Variants in CASZ1 observed in about 807,000 individuals in gnomAD.
CASZ1 encodes zinc finger protein castor homolog 1.
In CASZ1, 28 loss-of-function variants were observed where a neutral mutation model predicts 135.2. The observed-to-expected ratio is 0.21, with a 90% CI of 0.15 to 0.28. The LOEUF is 0.28. Among genes scored for constraint, CASZ1 ranks in the 10% least tolerant of loss-of-function variants. CASZ1 has a pLI of 1.00. For missense variants in CASZ1, 2,161 were observed against 2,453.3 expected (o/e 0.88, Z 2.52); for synonymous variants, 1,068 against 1,073.4 (o/e 0.99, Z 0.10).
At chr1:10,655,867 C>A in intron 8 of CASZ1, 54 bp from the exon 9 acceptor site, 1 of 1,582,668 alleles carries the variant, frequency 6.3e-7, no homozygotes, top group Non-Finnish European at 8.7e-7. Context: ...CTCCGCCCTT[C>A]CTCCCATATG....
rs955125689 is a variant in CASZ1 at position 10,666,482 on chromosome 1, C to T, written c.17-911G>A. Among the ~76,000 whole-genome samples, 4 of 152,164 alleles carry T rather than the reference C, an allele frequency of 2.6e-5. No individual in the cohort carries two copies. The highest frequency in any genetic ancestry group is 7.2e-5 in the African/African-American group (3 of 41,450). On this transcript the variant is annotated intron_variant, in intron 4 of 20. Coordinates refer to ENST00000377022, the MANE Select transcript of CASZ1 (RefSeq NM_001079843.3). The surrounding 1 kb of genome is among the most constrained non-coding windows in gnomAD (Gnocchi z 5.2). ...CAGCCTCGGCCAGCCTCTGCAGCCC[C>T]GGAAGGCCTGGCCAGCCCACTTCCC...
At position 10,647,191 on chromosome 1, in the gene CASZ1, G is replaced by A. The variant is rs937863404; in HGVS notation, c.3497+610C>T. The A allele has an allele frequency of 5.6e-5, 55 of 981,108 alleles. No homozygotes were observed. The highest frequency in any genetic ancestry group is 1.8e-5 in the African/African-American group (1 of 57,016). The allele number at this position is 981,108 out of a possible 1,614,324, so 60.8% of individuals were successfully genotyped here. A position where few individuals can be genotyped will look rare whatever the true frequency, so the allele number is the denominator to read the frequency against. On this transcript the variant is annotated intron_variant, in intron 16 of 20. Coordinates refer to ENST00000377022, the MANE Select transcript of CASZ1 (RefSeq NM_001079843.3). The surrounding 1 kb of genome is among the most constrained non-coding windows in gnomAD (Gnocchi z 4.9). Reference sequence around the variant, plus strand: ...CAGCCCCAGTTGCTCAGAGAGGGAGGACAGCTGCCACTCAGGCGATATAAA... The same window carrying A: ...CAGCCCCAGTTGCTCAGAGAGGGAGAACAGCTGCCACTCAGGCGATATAAA...
intron 4 of CASZ1, among the ~76,000 whole-genome samples, chr1:10,677,048 CCT>C (rs1345884694): frequency 6.6e-6 from 1 of 152,236 alleles, no homozygotes; most frequent in South Asian, 2.1e-4. Context: ...CTTTTCTCCC[CCT>C]CTTTCCTGGG....
At position 10,694,349 on chromosome 1, in the gene CASZ1, A is replaced by C. The variant is rs1440955792; in HGVS notation, c.-23-437T>G. 8.8e-7 allele frequency: 1 copy of C among 1,142,456 alleles called. No individual in the cohort carries two copies. 70.8% of individuals were successfully genotyped at this position (1,142,456 alleles called of 1,614,324 possible). ...CACTTAAATAATCAACTTTCATAAT[A>C]CTTAATTAATGCCTAATTGCAACTG... On this transcript the variant is annotated intron_variant, in intron 3 of 20. Transcript: ENST00000377022. This position sits in a 1 kb window ranked among gnomAD's most constrained non-coding sequence, Gnocchi z 6.6.
Position 10,686,798 on chromosome 1 carries a change from C to T in CASZ1, c.16+7076G>A, listed in dbSNP as rs141099526. ...GCCAAGGAACCTCTGGGGGTGGGGA[C>T]GCTAGGCTGCCCCTCCCCCACCCGT... On this transcript the variant is annotated intron_variant, in intron 4 of 20. Transcript: ENST00000377022. Among the ~76,000 whole-genome samples, 409 of 152,328 alleles carry T rather than the reference C, an allele frequency of 2.7e-3. 3 individuals are homozygous for T. Among genetic ancestry groups the T allele is most frequent in the Admixed American group, 4.8e-3 (73 of 15,312 alleles).
At chr1:10,791,740 AG>A (rs973303972) in intron 1 of CASZ1, among the ~76,000 whole-genome samples, 1 of 81,730 alleles carries the variant, frequency 1.2e-5, no homozygotes, top group Non-Finnish European at 3.8e-5. Flanking sequence ...AGAGAAAAAG[AG>A]GGGGAGAGAG....
At chr1:10,683,660 T>C (rs1416292942) in intron 4 of CASZ1, among the ~76,000 whole-genome samples, 1 of 152,150 alleles carries the variant, frequency 6.6e-6, no homozygotes, top group Non-Finnish European at 1.5e-5. Flanking sequence ...GTCCTTTCAC[T>C]TCCATTTCAC....
intron 1 of CASZ1, among the ~76,000 whole-genome samples, chr1:10,779,434 T>A (rs1640722472): frequency 6.6e-6 from 1 of 152,118 alleles, no homozygotes; most frequent in Admixed American, 6.5e-5. Context: ...GCCGGTGAGC[T>A]CAGCGCCCTG....
intron 2 of CASZ1, among the ~76,000 whole-genome samples, chr1:10,750,620 C>T (rs1640132868): frequency 6.6e-6 from 1 of 151,320 alleles, no homozygotes; most frequent in East Asian, 2.0e-4. Context: ...GAGGCTGAGG[C>T]TGGGCGAGGT....
chr1:10,667,603 C>A (rs114893154), intron 4 of CASZ1, among the ~76,000 whole-genome samples: 1,792 of 152,288 alleles, frequency 0.012, 34 homozygotes, highest in African/African-American at 0.041. Context: ...TCCGGGGAAG[C>A]GGGCCTCACC....
chr1:10,656,810 A>AG (rs1412258788), intron 7 of CASZ1, 74 bp from the exon 8 acceptor site: 5 of 997,896 alleles, frequency 5.0e-6, no homozygotes, highest in Non-Finnish European at 6.1e-6. Context: ...CCCCAGCCCC[A>AG]GGGAGGACTC....
In CASZ1 at chr1:10,720,585, T is replaced by A. The variant is rs1010049665; in HGVS notation, c.-76-15041A>T. On this transcript the variant is annotated intron_variant, in intron 2 of 20. Coordinates refer to ENST00000377022, the MANE Select transcript of CASZ1 (RefSeq NM_001079843.3). This position sits in a 1 kb window ranked among gnomAD's most constrained non-coding sequence, Gnocchi z 5.7. ...CCATTTGCCTATCAAAAACTGTACA[T>A]TCGCTCGGCTTTCCACGGGACTCAT... 6.6e-6 allele frequency among the ~76,000 whole-genome samples: 1 copy of A among 152,044 alleles called. No homozygotes were observed. Among genetic ancestry groups the A allele is most frequent in the Non-Finnish European group, 1.5e-5 (1 of 67,984 alleles).
intron 3 of CASZ1, among the ~76,000 whole-genome samples, chr1:10,696,064 AT>A (rs1385723347): frequency 6.6e-6 from 1 of 152,188 alleles, no homozygotes; most frequent in African/African-American, 2.4e-5. Flanking sequence ...TATTTTTGCA[AT>A]ATTTCTATTT....
At chr1:10,682,903 G>A (rs1373149088) in intron 4 of CASZ1, among the ~76,000 whole-genome samples, 2 of 152,252 alleles carry the variant, frequency 1.3e-5, no homozygotes, top group Non-Finnish European at 2.9e-5. Flanking sequence ...TGGCTGGGCC[G>A]GGGCCTGTCA....
chr1:10,753,717 C>T (rs1640191528), intron 2 of CASZ1, among the ~76,000 whole-genome samples: 2 of 152,320 alleles, frequency 1.3e-5, no homozygotes, highest in African/African-American at 2.4e-5. Context: ...ACAGACCCCT[C>T]TGTGCCCTCT....
chr1:10,752,668 CT>C (rs1163015955), intron 2 of CASZ1, among the ~76,000 whole-genome samples: 2 of 152,184 alleles, frequency 1.3e-5, no homozygotes, highest in Non-Finnish European at 2.9e-5. Context: ...GGGAGCCCCC[CT>C]AGTTGCCAGC....
At position 10,720,761 on chromosome 1, in the gene CASZ1, G is replaced by A. The variant is rs892450031; in HGVS notation, c.-76-15217C>T. On this transcript the variant is annotated intron_variant, in intron 2 of 20. Transcript: ENST00000377022. This position sits in a 1 kb window ranked among gnomAD's most constrained non-coding sequence, Gnocchi z 5.7. ...TGAGAAGGGCGTAGGGAAGCCCAAG[G>A]TCAGAGAGTGGGGAGGAAGTGGACG... Among the ~76,000 whole-genome samples, 7 of 152,218 alleles carry A rather than the reference G, an allele frequency of 4.6e-5. No individual in the cohort carries two copies. In the South Asian group the frequency reaches 1.0e-3, roughly 22 times the overall value.
chr1:10,662,289 A>T (rs577880748), intron 5 of CASZ1, among the ~76,000 whole-genome samples: 1 of 136,318 alleles, frequency 7.3e-6, no homozygotes, highest in Admixed American at 7.1e-5. Context: ...ACAATCACAT[A>T]CAACACACAC....
At chr1:10,690,087 A>C (rs1004490732) in intron 4 of CASZ1, among the ~76,000 whole-genome samples, 4 of 152,204 alleles carry the variant, frequency 2.6e-5, no homozygotes, top group African/African-American at 4.8e-5. Flanking sequence ...TATCTGGCCA[A>C]GTAAAGGCTG....
Sources: gnomAD v4.1 joint callset for allele counts (sites outside exome capture counted in the v4.1 genomes callset) on GRCh38, gnomAD v4.1.1 for gene constraint, Gnocchi (gnomAD v3.1) non-coding constraint, MANE v1.5 for transcripts, NCBI Gene and HGNC (gene_info 2026-07-23, HGNC 2026-07-21) for gene names.